RNF157: variants seen among roughly 807,000 people sequenced by gnomAD.
RNF157 encodes ring finger protein 157.
RNF157 carries 55 observed loss-of-function variants against 88.3 expected under a neutral mutation model. The ratio of observed to expected loss-of-function variants is 0.62; its 90% CI spans 0.50 to 0.78. The LOEUF (loss-of-function observed/expected upper bound fraction) is 0.78. Ranked by LOEUF, RNF157 falls within the 30% of genes least tolerant of loss-of-function variation. The pLI, the probability that RNF157 is intolerant of heterozygous loss-of-function variation, is 0.00. For missense variants in RNF157, 788 were observed against 860.8 expected (o/e 0.92, Z 1.06); for synonymous variants, 334 against 341.2 (o/e 0.98, Z 0.23).
At position 76,159,390 on chromosome 17, in the gene RNF157, C is replaced by A. The variant is rs773847894; in HGVS notation, c.1249G>T (p.Asp417Tyr). 6.2e-7 allele frequency: 1 copy of A among 1,613,302 alleles called. No individual in the cohort carries two copies. Among genetic ancestry groups the A allele is most frequent in the Non-Finnish European group, 8.5e-7 (1 of 1,179,778 alleles). The change falls in exon 12 of 19, where the codon GAC (aspartate) becomes TAC (tyrosine). Residue 417 changes from aspartate to tyrosine, a missense_variant. By Grantham distance (160) the Asp-to-Tyr change is radical. Coordinates refer to ENST00000269391, the MANE Select transcript of RNF157 (RefSeq NM_052916.3). ...TGACTGCTGCTGTCAGACAGGCGGT[C>A]AAGAGGCGAGATCGTCCTGACGGGG... ...LPPVRTISPL[D>Y]RLSDSSSQGL...
At chr17:76,152,503 G>A (rs764214050) in intron 17 of RNF157, 38 bp from the exon 18 acceptor site, 4 of 1,303,992 alleles carry the variant, frequency 3.1e-6, no homozygotes, top group East Asian at 2.3e-5. Flanking sequence ...GGGGCTGGCT[G>A]TGTTTTTCTC....
At chr17:76,210,539 A>G (rs540191634) in intron 2 of RNF157, among the ~76,000 whole-genome samples, 15 of 128,270 alleles carry the variant, frequency 1.2e-4, no homozygotes, top group South Asian at 1.1e-3. Context: ...TCAGTGAGCC[A>G]AGATCGTGCC....
At chr17:76,238,147 A>G (rs2070313883) in intron 1 of RNF157, among the ~76,000 whole-genome samples, 1 of 152,162 alleles carries the variant, frequency 6.6e-6, no homozygotes, top group Non-Finnish European at 1.5e-5. Flanking sequence ...AACTCTGTCA[A>G]CGGTTCCTTT....
chr17:76,211,104 C>T (rs1474414734), intron 2 of RNF157, among the ~76,000 whole-genome samples: 1 of 152,200 alleles, frequency 6.6e-6, no homozygotes, highest in African/African-American at 2.4e-5. Context: ...TGTGCCTGGC[C>T]CACCTTTCCA....
At chr17:76,158,781 A>G (rs2068805744) in intron 12 of RNF157, among the ~76,000 whole-genome samples, 1 of 152,208 alleles carries the variant, frequency 6.6e-6, no homozygotes, top group Admixed American at 6.5e-5. Flanking sequence ...CTAGGGAAAT[A>G]GAACCAGAGA....
chr17:76,220,088 G>C (rs886497460), intron 1 of RNF157, among the ~76,000 whole-genome samples: 1 of 152,064 alleles, frequency 6.6e-6, no homozygotes, highest in Non-Finnish European at 1.5e-5. Context: ...AACAAAGTAG[G>C]AGGGGGTGCC....
At chr17:76,220,685 C>A (rs1022803013) in intron 1 of RNF157, among the ~76,000 whole-genome samples, 1 of 151,604 alleles carries the variant, frequency 6.6e-6, no homozygotes. Context: ...CTGGGCCAGG[C>A]GCAGTGGCTC....
rs1345677123 is a variant in RNF157 at position 76,152,362 on chromosome 17, G to A, written c.1914C>T (p.Cys638=). 6.2e-7 allele frequency: 1 copy of A among 1,603,708 alleles called. No individual in the cohort carries two copies. Among genetic ancestry groups the A allele is most frequent in the East Asian group, 2.2e-5 (1 of 44,830 alleles). The part of the protein sequence containing the change: ...ALDNKLCSEV[C]LPGAWQADDN... ...CAGCAGACTGACACTCACCAGGTAAGCAGACCTCAGAGCACAGCTTATTGT... is the reference window on the plus strand; with the variant it reads ...CAGCAGACTGACACTCACCAGGTAAACAGACCTCAGAGCACAGCTTATTGT... The change falls in exon 18 of 19, where the codon TGC becomes TGT. Residue 638 remains cysteine (C), a synonymous_variant. Transcript: ENST00000269391.
chr17:76,145,654 A>G (rs1380454964), intron 18 of RNF157: 5 of 338,404 alleles, frequency 1.5e-5, no homozygotes, highest in Non-Finnish European at 2.7e-5. Context: ...CCACTTTTGT[A>G]TTTTAATTAC....
intron 1 of RNF157, among the ~76,000 whole-genome samples, chr17:76,227,673 T>A (rs2070116795): frequency 6.6e-6 from 1 of 150,760 alleles, no homozygotes; most frequent in African/African-American, 2.4e-5. Context: ...AGGTCGAGAG[T>A]TGGAGACCAG....
chr17:76,238,898 T>C (rs1182991543), intron 1 of RNF157, among the ~76,000 whole-genome samples: 1 of 152,220 alleles, frequency 6.6e-6, no homozygotes, highest in East Asian at 1.9e-4. Flanking sequence ...ACCATATTCA[T>C]CTTTGCAAGG....
At chr17:76,198,261 G>A (rs1369582913) in intron 2 of RNF157, among the ~76,000 whole-genome samples, 1 of 152,164 alleles carries the variant, frequency 6.6e-6, no homozygotes, top group Non-Finnish European at 1.5e-5. Flanking sequence ...AGTTGGATGA[G>A]GGAGAGCCTG....
intron 7 of RNF157, 99 bp downstream of exon 7, chr17:76,165,403 C>T: frequency 1.7e-6 from 2 of 1,210,010 alleles, no homozygotes; most frequent in Non-Finnish European, 2.5e-6. Flanking sequence ...AAGCCAGACC[C>T]ATTCTGCTGA....
chr17:76,214,342 T>C (rs865993420), intron 1 of RNF157, among the ~76,000 whole-genome samples: 49 of 152,122 alleles, frequency 3.2e-4, no homozygotes, highest in African/African-American at 1.1e-3. Context: ...TGTGAGTGTA[T>C]AGGAGAAACT....
At chr17:76,189,379 C>T (rs1176071486) in intron 2 of RNF157, among the ~76,000 whole-genome samples, 1 of 152,142 alleles carries the variant, frequency 6.6e-6, no homozygotes, top group African/African-American at 2.4e-5. Context: ...ATGGAAGGAG[C>T]TCAGGATCTA....
Position 76,147,011 on chromosome 17 carries a change from C to T in RNF157, c.1922-1658G>A, listed in dbSNP as rs541759793. ...TCTAGTAACAGTCTCTGGTGCTTGA[C>T]CCCAGGGGAACAGTGAGAACAGGAG... On this transcript the variant is annotated intron_variant, in intron 18 of 18. Coordinates refer to ENST00000269391, the MANE Select transcript of RNF157 (RefSeq NM_052916.3). 8.1e-6 allele frequency: 8 copies of T among 985,356 alleles called. No homozygotes were observed. In the Admixed American group the frequency reaches 2.5e-4, roughly 30 times the overall value. The allele number at this position is 985,356 out of a possible 1,614,324, so 61.0% of individuals were successfully genotyped here.
At chr17:76,218,538 G>A (rs1025824289) in intron 1 of RNF157, among the ~76,000 whole-genome samples, 7 of 152,076 alleles carry the variant, frequency 4.6e-5, no homozygotes, top group Admixed American at 1.3e-4. Context: ...CTAGATACTC[G>A]GGAAGCTAAG....
chr17:76,211,974 C>T (rs971952123), intron 2 of RNF157: 1 of 158,118 alleles, frequency 6.3e-6, no homozygotes, highest in Non-Finnish European at 1.4e-5. Context: ...ACAGTCCTTG[C>T]CTTATGAAAC....
intron 1 of RNF157, among the ~76,000 whole-genome samples, chr17:76,238,630 A>G (rs1360200426): frequency 6.6e-6 from 1 of 152,200 alleles, no homozygotes; most frequent in Non-Finnish European, 1.5e-5. Flanking sequence ...GAAAATTCCA[A>G]GCTCAGCAAA....
Sources: gnomAD v4.1 joint callset for allele counts (sites outside exome capture counted in the v4.1 genomes callset) on GRCh38, gnomAD v4.1.1 for gene constraint, MANE v1.5 for transcripts, NCBI Gene and HGNC (gene_info 2026-07-23, HGNC 2026-07-21) for gene names.